EXOC6B: variants seen among roughly 807,000 people sequenced by gnomAD.
EXOC6B encodes the protein SEC15 homolog B.
In EXOC6B, 54 loss-of-function variants were observed where a neutral mutation model predicts 113.5. That is an observed-to-expected ratio of 0.48 (90% CI 0.38 to 0.60). The LOEUF (loss-of-function observed/expected upper bound fraction) is 0.60. Ranked by LOEUF, EXOC6B falls within the 20% of genes least tolerant of loss-of-function variation. The pLI is 0.00. For missense variants in EXOC6B, 797 were observed against 977.5 expected, an observed-to-expected ratio of 0.82 and a Z score of 2.46; for synonymous variants, 357 against 339.0, an observed-to-expected ratio of 1.05 and a Z score of -0.58.
chr2:72,257,756 T>G (rs2104569958), intron 20 of EXOC6B, among the ~76,000 whole-genome samples: 1 of 152,278 alleles, frequency 6.6e-6, no homozygotes, highest in East Asian at 1.9e-4. Context: ...TCTGTTCATT[T>G]CAAACCACCC....
chr2:72,241,343 T>C (rs1682300992), intron 20 of EXOC6B, among the ~76,000 whole-genome samples: 1 of 151,962 alleles, frequency 6.6e-6, no homozygotes, highest in East Asian at 1.9e-4. Context: ...AGAAAAAGTA[T>C]GAAAAAGGCA....
chr2:72,393,260 A>AT (rs1322877257), intron 18 of EXOC6B, among the ~76,000 whole-genome samples: 2 of 151,714 alleles, frequency 1.3e-5, no homozygotes, highest in Admixed American at 1.3e-4. Context: ...CGCCCAGCTA[A>AT]TTTTTGTATT....
intron 2 of EXOC6B, among the ~76,000 whole-genome samples, chr2:72,736,248 A>C (rs1680950293): frequency 1.3e-5 from 2 of 152,022 alleles, no homozygotes; most frequent in South Asian, 4.1e-4. Context: ...CTAGGATGCT[A>C]CTTCATTTAT....
At chr2:72,420,631 T>C (rs947911714) in intron 18 of EXOC6B, among the ~76,000 whole-genome samples, 13 of 152,232 alleles carry the variant, frequency 8.5e-5, no homozygotes, top group African/African-American at 2.7e-4. Context: ...TTAATCAATC[T>C]ATCATTGATG....
chr2:72,797,709 G>A (rs1411700997), intron 1 of EXOC6B, among the ~76,000 whole-genome samples: 3 of 152,156 alleles, frequency 2.0e-5, no homozygotes, highest in Admixed American at 1.3e-4. Context: ...AGCTACTCAG[G>A]AGGCTGAGGC....
In EXOC6B at chr2:72,356,462, T is replaced by C. The variant is rs1207074659; in HGVS notation, c.2123-21442A>G. Among the ~76,000 whole-genome samples, 5 of 152,200 alleles carry C rather than the reference T, an allele frequency of 3.3e-5. No individual in the cohort carries two copies. In the East Asian group the frequency reaches 9.7e-4, roughly 29 times the overall value. On this transcript the variant is annotated intron_variant, in intron 19 of 21. Coordinates refer to ENST00000272427, the MANE Select transcript of EXOC6B (RefSeq NM_015189.3). The stretch of plus-strand genomic sequence containing the variant: ...CAGGAGGATTGCTTAAACCCAGGAA[T>C]TCAAGGCTGTAGTGTGCTATGATTG...
chr2:72,493,135 T>A lies in EXOC6B; in HGVS notation c.1554-706A>T, dbSNP rs545901075. The stretch of plus-strand genomic sequence containing the variant: ...CACTGTTAACAATACATTAAGACTT[T>A]AGTTGATTTTGTCTTTCTCACATGA... On this transcript the variant is annotated intron_variant, in intron 15 of 21. Coordinates refer to ENST00000272427, the MANE Select transcript of EXOC6B (RefSeq NM_015189.3). Among the ~76,000 whole-genome samples, 3 of 152,246 alleles carry A rather than the reference T, an allele frequency of 2.0e-5. No homozygotes were observed. In the South Asian group the frequency reaches 6.2e-4, roughly 32 times the overall value.
intron 20 of EXOC6B, among the ~76,000 whole-genome samples, chr2:72,329,664 T>A (rs1688324576): frequency 6.6e-6 from 1 of 152,040 alleles, no homozygotes; most frequent in South Asian, 2.1e-4. Context: ...AAAATCAAAA[T>A]TTTATTGAAG....
intron 19 of EXOC6B, among the ~76,000 whole-genome samples, chr2:72,338,520 G>C (rs7568803): frequency 0.37 from 55,666 of 152,006 alleles, 16,742 homozygotes; most frequent in African/African-American, 0.83. Context: ...TTGATATTAA[G>C]TATTAGTGTT....
At chr2:72,666,863 G>T (rs1675432924) in intron 6 of EXOC6B, among the ~76,000 whole-genome samples, 1 of 149,706 alleles carries the variant, frequency 6.7e-6, no homozygotes, top group South Asian at 2.1e-4. Context: ...AGAGAGGAAA[G>T]ATTTTTCTTT....
chr2:72,732,319 T>G (rs900893779), intron 3 of EXOC6B, among the ~76,000 whole-genome samples: 2 of 151,876 alleles, frequency 1.3e-5, no homozygotes, highest in Non-Finnish European at 2.9e-5. Context: ...TGGTTATGGT[T>G]GTTTTTTTTG....
At chr2:72,184,827 G>A (rs1465222898) in intron 20 of EXOC6B, among the ~76,000 whole-genome samples, 1 of 152,222 alleles carries the variant, frequency 6.6e-6, no homozygotes, top group African/African-American at 2.4e-5. Context: ...TTACGTCTAT[G>A]CAGACACAGG....
chr2:72,230,172 G>T (rs116537605), intron 20 of EXOC6B, among the ~76,000 whole-genome samples: 1,680 of 152,230 alleles, frequency 0.011, 20 homozygotes, highest in African/African-American at 0.038. Flanking sequence ...CTGCTATAAA[G>T]AAACTCACTA....
At chr2:72,776,773 A>G (rs1477991324) in intron 1 of EXOC6B, among the ~76,000 whole-genome samples, 1 of 152,210 alleles carries the variant, frequency 6.6e-6, no homozygotes, top group Non-Finnish European at 1.5e-5. Flanking sequence ...CAGTAGTTCC[A>G]AAAGGAAAGG....
chr2:72,724,498 A>C (rs1680191452), intron 5 of EXOC6B, among the ~76,000 whole-genome samples: 1 of 152,162 alleles, frequency 6.6e-6, no homozygotes, highest in East Asian at 1.9e-4. Flanking sequence ...AAAGGAAAAA[A>C]AAAGCACCCC....
intron 18 of EXOC6B, among the ~76,000 whole-genome samples, chr2:72,450,456 T>C (rs1447705943): frequency 6.6e-6 from 1 of 152,166 alleles, no homozygotes; most frequent in African/African-American, 2.4e-5. Context: ...CACATTATTT[T>C]AAAAAGTAAA....
chr2:72,662,804 T>A (rs1410010663), intron 6 of EXOC6B, among the ~76,000 whole-genome samples: 1 of 152,046 alleles, frequency 6.6e-6, no homozygotes, highest in Non-Finnish European at 1.5e-5. Context: ...AGTGGCACGA[T>A]CTCAGCTCAC....
At position 72,578,731 on chromosome 2, in the gene EXOC6B, G is replaced by C. The variant is rs576268321; in HGVS notation, c.670-3063C>G. 2.0e-5 allele frequency among the ~76,000 whole-genome samples: 3 copies of C among 151,922 alleles called. No homozygotes were observed. The South Asian group carries it at 6.2e-4, about 32-fold the overall frequency. On this transcript the variant is annotated intron_variant, in intron 6 of 21. Transcript: ENST00000272427. The stretch of plus-strand genomic sequence containing the variant: ...ACAGGAAGCAAATCAACAAATAAAG[G>C]ATAAATATGATAAAAAATAAATATG...
intron 20 of EXOC6B, among the ~76,000 whole-genome samples, chr2:72,267,536 C>T (rs183895938): frequency 0.017 from 2,645 of 152,216 alleles, 47 homozygotes; most frequent in Non-Finnish European, 0.021. Flanking sequence ...GTCATTGGTT[C>T]TGTTTATATG....
Sources: gnomAD v4.1 joint callset for allele counts (sites outside exome capture counted in the v4.1 genomes callset) on GRCh38, gnomAD v4.1.1 for gene constraint, MANE v1.5 for transcripts, NCBI Gene and HGNC (gene_info 2026-07-23, HGNC 2026-07-21) for gene names.